Variants in TTL observed in about 807,000 individuals in gnomAD.
TTL encodes the protein tubulin tyrosine ligase, also known as tubulin--tyrosine ligase.
In TTL, 10 loss-of-function variants were observed where a neutral mutation model predicts 41.1. The ratio of observed to expected loss-of-function variants is 0.24; its 90% CI spans 0.15 to 0.41. The LOEUF (loss-of-function observed/expected upper bound fraction) is 0.41. TTL is among the 10% of genes least tolerant of loss of function. TTL has a pLI of 1.00. For synonymous variants in TTL, 175 were observed against 175.5 expected (o/e 1.00, Z 0.02); for missense variants, 367 against 460.4 (o/e 0.80, Z 1.86).
Position 112,535,596 on chromosome 2 carries a change from G to A in TTL, c.*6801G>A, listed in dbSNP as rs1185906283. Reference sequence around the variant, plus strand: ...CTAGAAAATATATAAGAAAAGAGAAGGAAGTAATGAAAAATAGAGGAGAAA... The same window carrying A: ...CTAGAAAATATATAAGAAAAGAGAAAGAAGTAATGAAAAATAGAGGAGAAA... On this transcript the variant is annotated 3_prime_UTR_variant, in exon 7 of 7. Transcript: ENST00000233336. The A allele has an allele frequency of 6.6e-6, 1 of 151,508 alleles. No individual in the cohort carries two copies. The highest frequency in any genetic ancestry group is 2.4e-5 in the African/African-American group (1 of 41,212). 9.4% of individuals were successfully genotyped at this position (151,508 alleles called of 1,614,324 possible).
At chr2:112,499,983 C>T (rs1363371668) in intron 3 of TTL, among the ~76,000 whole-genome samples, 2 of 152,148 alleles carry the variant, frequency 1.3e-5, no homozygotes, top group East Asian at 1.9e-4. Context: ...CCAATGCAAA[C>T]GTCCATCAAT....
At position 112,538,811 on chromosome 2, in the gene TTL, A is replaced by G; in HGVS notation, c.*10016A>G. 6.6e-6 allele frequency: 1 copy of G among 152,160 alleles called. No individual in the cohort carries two copies. The highest frequency in any genetic ancestry group is 1.5e-5 in the Non-Finnish European group (1 of 68,006). 9.4% of individuals were successfully genotyped at this position (152,160 alleles called of 1,614,324 possible). ...AAAAAGTGGGAGCTAAACATTGGGT[A>G]CACATGGACATAAAGTTGGGAAGAG... On this transcript the variant is annotated 3_prime_UTR_variant, in exon 7 of 7. Coordinates refer to ENST00000233336, the MANE Select transcript of TTL (RefSeq NM_153712.5).
intron 2 of TTL, among the ~76,000 whole-genome samples, chr2:112,493,917 C>G (rs1478980466): frequency 2.6e-5 from 4 of 152,122 alleles, no homozygotes; most frequent in African/African-American, 9.7e-5. Context: ...GACATTAAGC[C>G]TTTTGAATTA....
intron 5 of TTL, among the ~76,000 whole-genome samples, chr2:112,503,770 G>C (rs1681763987): frequency 7.8e-6 from 1 of 128,694 alleles, no homozygotes; most frequent in African/African-American, 2.9e-5. Context: ...AAAGTACAAT[G>C]TCAGTCTACT....
chr2:112,509,784 G>A (rs1681875718), intron 5 of TTL, among the ~76,000 whole-genome samples: 1 of 152,184 alleles, frequency 6.6e-6, no homozygotes, highest in Non-Finnish European at 1.5e-5. Context: ...CGTCTTCTGC[G>A]TCGCTCACGC....
rs1204663445 is a variant in TTL at position 112,503,071 on chromosome 2, G to C, written c.765G>C (p.Lys255Asn). Residue 255 changes from lysine to asparagine, a missense_variant, in exon 5 of 7, where the codon AAG becomes AAC. Transcript: ENST00000233336. Reference sequence around the variant, plus strand: ...AAGAGTATTCAAAGAACTACGGGAAGTATGAAGAAGGAAATGAAATGTTCT... The same window carrying C: ...AAGAGTATTCAAAGAACTACGGGAACTATGAAGAAGGAAATGAAATGTTCT... ...IQKEYSKNYG[K>N]YEEGNEMFFK... 1 of 1,613,828 alleles carries C rather than the reference G, an allele frequency of 6.2e-7. No individual in the cohort carries two copies. The highest frequency in any genetic ancestry group is 8.5e-7 in the Non-Finnish European group (1 of 1,180,002).
chr2:112,509,285 C>G (rs1276437022), intron 5 of TTL, among the ~76,000 whole-genome samples: 7 of 149,474 alleles, frequency 4.7e-5, no homozygotes, highest in African/African-American at 1.7e-4. Flanking sequence ...TGTGCCCTGC[C>G]CCCAGAGGTG....
At chr2:112,498,475 C>T (rs2104455610) in intron 3 of TTL, among the ~76,000 whole-genome samples, 1 of 152,308 alleles carries the variant, frequency 6.6e-6, no homozygotes, top group Middle Eastern at 3.4e-3. Context: ...AAGAAATGGA[C>T]AGACATACCG....
intron 2 of TTL, among the ~76,000 whole-genome samples, chr2:112,487,573 G>A (rs1263497472): frequency 6.6e-6 from 1 of 152,220 alleles, no homozygotes; most frequent in East Asian, 1.9e-4. Context: ...AGTGAGTACA[G>A]GGCTGGAGTC....
At position 112,533,972 on chromosome 2, in the gene TTL, CCT is replaced by C. The variant is rs1436354525; in HGVS notation, c.*5182_*5183del. 6.6e-6 allele frequency: 1 copy of C among 152,042 alleles called. No individual in the cohort carries two copies. The highest frequency in any genetic ancestry group is 1.5e-5 in the Non-Finnish European group (1 of 68,006). 9.4% of individuals were successfully genotyped at this position (152,042 alleles called of 1,614,324 possible). ...TAATAGAGTAACAACCTCTGAAAACCCTCTCTTCCATAAAAGCAATGAGAACA... is the reference window on the plus strand; with the variant it reads ...TAATAGAGTAACAACCTCTGAAAACCCTCTTCCATAAAAGCAATGAGAACA... On this transcript the variant is annotated 3_prime_UTR_variant, in exon 7 of 7. Transcript: ENST00000233336.
Position 112,503,175 on chromosome 2 carries a change from T to G in TTL, c.869T>G (p.Ile290Arg). ...ESSILLQIKH[I>R]IRNCLLSVEP... ...AGTATCTTACTACAAATCAAACATA[T>G]AATAAGGTAACTTAATTGTATCTTT... is the stretch of plus-strand genomic sequence containing the variant. The change falls in exon 5 of 7, where the codon ATA (isoleucine) becomes AGA (arginine). Residue 290 changes from isoleucine (I) to arginine (R), a missense_variant. Ile to Arg is a moderately conservative substitution (Grantham distance 97). Transcript: ENST00000233336. 1 of 1,586,020 alleles carries G rather than the reference T, an allele frequency of 6.3e-7. No individual in the cohort carries two copies. The highest frequency in any genetic ancestry group is 8.6e-7 in the Non-Finnish European group (1 of 1,164,256).
chr2:112,518,830 A>G (rs958100681), intron 5 of TTL, among the ~76,000 whole-genome samples: 2 of 151,978 alleles, frequency 1.3e-5, no homozygotes, highest in Non-Finnish European at 2.9e-5. Flanking sequence ...ACCTGCCACT[A>G]TGCCTGGCTA....
chr2:112,523,146 G>A (rs1448026934), intron 6 of TTL, among the ~76,000 whole-genome samples: 1 of 152,038 alleles, frequency 6.6e-6, no homozygotes, highest in Admixed American at 6.6e-5. Flanking sequence ...TGTTACCTGT[G>A]TGTGGAATCC....
intron 5 of TTL, among the ~76,000 whole-genome samples, chr2:112,519,530 C>T (rs139862419): frequency 6.7e-5 from 10 of 149,534 alleles, no homozygotes; most frequent in South Asian, 2.1e-4. Flanking sequence ...CTAGAACTAG[C>T]GACATCGTGA....
At chr2:112,526,226 G>A (rs369607010) in intron 6 of TTL, among the ~76,000 whole-genome samples, 1 of 152,162 alleles carries the variant, frequency 6.6e-6, no homozygotes, top group South Asian at 2.1e-4. Flanking sequence ...ATGTTCATCA[G>A]GGATATTGGT....
Position 112,533,559 on chromosome 2 carries a change from A to G in TTL, c.*4764A>G, listed in dbSNP as rs1455147261. 2.6e-5 allele frequency: 4 copies of G among 152,292 alleles called. No homozygotes were observed. The highest frequency in any genetic ancestry group is 5.9e-5 in the Non-Finnish European group (4 of 68,088). 9.4% of individuals were successfully genotyped at this position (152,292 alleles called of 1,614,324 possible). On this transcript the variant is annotated 3_prime_UTR_variant, in exon 7 of 7. Transcript: ENST00000233336. ...ACGGTTCTGGAGGATGAGAAGTCCA[A>G]TATCAAGGGGCTATATCTGGTGAGG...
At chr2:112,528,585 C>A in intron 6 of TTL, 96 bp from the exon 7 acceptor site, 3 of 996,916 alleles carry the variant, frequency 3.0e-6, no homozygotes, top group Non-Finnish European at 3.1e-6. Context: ...ACTTGGGAGA[C>A]AGAGCAAAAC....
At chr2:112,490,905 G>T (rs10191735) in intron 2 of TTL, among the ~76,000 whole-genome samples, 2 of 152,004 alleles carry the variant, frequency 1.3e-5, no homozygotes, top group Non-Finnish European at 2.9e-5. Context: ...CCTAACTGAA[G>T]TCCTATCTGT....
At chr2:112,507,683 A>C (rs1681827136) in intron 5 of TTL, among the ~76,000 whole-genome samples, 2 of 146,052 alleles carry the variant, frequency 1.4e-5, no homozygotes, top group Non-Finnish European at 3.0e-5. Context: ...ATCTTCCTCC[A>C]TCCTTTTATT....
Sources: allele counts gnomAD v4.1 joint callset (sites outside exome capture counted in the v4.1 genomes callset), GRCh38; gene constraint gnomAD v4.1.1; transcripts MANE v1.5; gene names NCBI Gene and HGNC (gene_info 2026-07-23, HGNC 2026-07-21).